The following RGPD3 variants were observed in gnomAD, a reference collection of about 807,000 sequenced individuals.
RGPD3 encodes the protein ranBP2-like and GRIP domain-containing protein 3.
RGPD3 carries 62 observed loss-of-function variants against 154.5 expected under a neutral mutation model. The observed-to-expected ratio is 0.40, with a 90% CI of 0.33 to 0.50. The LOEUF (loss-of-function observed/expected upper bound fraction) is 0.50, where lower values mean the gene tolerates loss of function less well. Among genes scored for constraint, RGPD3 ranks in the 20% least tolerant of loss-of-function variants. The pLI is 0.59. For missense variants in RGPD3, 919 were observed against 1,716.8 expected, an observed-to-expected ratio of 0.54 and a Z score of 8.21; for synonymous variants, 308 against 607.0, an observed-to-expected ratio of 0.51 and a Z score of 7.24.
intron 7 of RGPD3, among the ~76,000 whole-genome samples, chr2:106,446,633 A>G (rs1677945302): frequency 1.4e-5 from 2 of 143,064 alleles, no homozygotes; most frequent in Admixed American, 1.4e-4. Context: ...CTGTAATCCC[A>G]GCACTTTGGG....
At chr2:106,418,137 A>G (rs1676869924) in intron 20 of RGPD3, among the ~76,000 whole-genome samples, 1 of 144,628 alleles carries the variant, frequency 6.9e-6, no homozygotes, top group African/African-American at 2.5e-5. Context: ...AAAACAAAAA[A>G]ACAAACAAAA....
chr2:106,438,088 C>A (rs1344598744), intron 9 of RGPD3, among the ~76,000 whole-genome samples: 1 of 151,884 alleles, frequency 6.6e-6, no homozygotes, highest in Non-Finnish European at 1.5e-5. Flanking sequence ...CCACCACCCC[C>A]GGATAATTTT....
intron 6 of RGPD3, among the ~76,000 whole-genome samples, chr2:106,449,836 T>G (rs1192825435): frequency 6.6e-6 from 1 of 151,142 alleles, no homozygotes; most frequent in Non-Finnish European, 1.5e-5. Context: ...GCTAACACAG[T>G]GAAACCCCAT....
At chr2:106,422,772 GCATGAGTCCGTACACTGTA>G (rs1677036021) in intron 20 of RGPD3, among the ~76,000 whole-genome samples, 2 of 149,964 alleles carry the variant, frequency 1.3e-5, no homozygotes, top group South Asian at 4.3e-4. Flanking sequence ...CATGATTCAA[GCATGAGTCCGTACACTGTA>G]CCAAGTTCTT....
intron 6 of RGPD3, among the ~76,000 whole-genome samples, chr2:106,448,355 C>T (rs1264646523): frequency 1.3e-5 from 2 of 152,200 alleles, no homozygotes; most frequent in Non-Finnish European, 2.9e-5. Context: ...CACGATCCGC[C>T]CGCCTCAGCT....
chr2:106,408,699 G>T (rs1676581354), intron 22 of RGPD3, among the ~76,000 whole-genome samples: 1 of 151,502 alleles, frequency 6.6e-6, no homozygotes, highest in South Asian at 2.1e-4. Context: ...TAAAGATGGG[G>T]TTTTACTCTG....
intron 1 of RGPD3, among the ~76,000 whole-genome samples, chr2:106,467,511 CGAGGCCGCCGCTGGGCCGGGTT>C (rs1678661112): frequency 1.7e-5 from 1 of 57,502 alleles, no homozygotes; most frequent in African/African-American, 7.6e-5. Flanking sequence ...CCTGAGCCAT[CGAGGCCGCCGCTGGGCCGGGTT>C]GAGGCCGCCG....
intron 7 of RGPD3, among the ~76,000 whole-genome samples, chr2:106,446,375 G>T (rs1187050620): frequency 1.3e-5 from 2 of 152,062 alleles, no homozygotes; most frequent in African/African-American, 4.8e-5. Flanking sequence ...AGACCATCCT[G>T]GCTAACATGG....
intron 1 of RGPD3, among the ~76,000 whole-genome samples, chr2:106,466,268 G>A (rs1262913119): frequency 6.6e-6 from 1 of 151,908 alleles, no homozygotes. Context: ...GCGCCGCGCC[G>A]CCCACAGGAC....
In RGPD3 at chr2:106,448,008, G is replaced by C. The variant is rs1233701925; in HGVS notation, c.783-395C>G. On this transcript the variant is annotated intron_variant, in intron 6 of 22. Transcript: ENST00000409886. ...GTTGTAATTTCTCAAATTAGACATA[G>C]CATTTCCAAATTATAAGTAAATAAT... 3.5e-3 allele frequency among the ~76,000 whole-genome samples: 515 copies of C among 146,884 alleles called. 1 individual carries two copies. Among genetic ancestry groups the C allele is most frequent in the African/African-American group, 0.013 (487 of 37,306 alleles).
At chr2:106,463,989 G>C (rs1184133361) in intron 1 of RGPD3, among the ~76,000 whole-genome samples, 1 of 152,088 alleles carries the variant, frequency 6.6e-6, no homozygotes, top group Non-Finnish European at 1.5e-5. Flanking sequence ...AGTACTGAAA[G>C]AATGAGGGGC....
chr2:106,468,039 C>T (rs549873964), intron 1 of RGPD3, among the ~76,000 whole-genome samples, 178 bp downstream of exon 1: 1 of 144,954 alleles, frequency 6.9e-6, no homozygotes, highest in East Asian at 2.1e-4. Flanking sequence ...GGAGCCATGA[C>T]GCCTGAGCCA....
chr2:106,418,439 A>G (rs570495830), intron 20 of RGPD3, among the ~76,000 whole-genome samples: 11 of 151,890 alleles, frequency 7.2e-5, no homozygotes, highest in African/African-American at 2.7e-4. Context: ...TTATACCTTT[A>G]CCTCTGCAGC....
At chr2:106,411,882 C>A (rs1326922011) in intron 22 of RGPD3, among the ~76,000 whole-genome samples, 3 of 152,072 alleles carry the variant, frequency 2.0e-5, no homozygotes, top group Admixed American at 6.6e-5. Context: ...AATATATGAG[C>A]TCTATTTAGG....
chr2:106,407,886 G>A (rs2104439702), intron 22 of RGPD3, among the ~76,000 whole-genome samples: 1 of 141,810 alleles, frequency 7.1e-6, no homozygotes, highest in African/African-American at 2.6e-5. Flanking sequence ...TAACAGGCTT[G>A]GCCTATTTTC....
At chr2:106,448,060 T>C (rs1233428093) in intron 6 of RGPD3, among the ~76,000 whole-genome samples, 1 of 150,952 alleles carries the variant, frequency 6.6e-6, no homozygotes, top group African/African-American at 2.4e-5. Flanking sequence ...ATCAATACAG[T>C]AATTGCTCTT....
intron 7 of RGPD3, among the ~76,000 whole-genome samples, chr2:106,441,863 CAAAAAAAAAAAAA>C (rs1166971652): frequency 1.3e-3 from 18 of 13,626 alleles, no homozygotes; most frequent in African/African-American, 4.2e-3. Flanking sequence ...GACTCCATCG[CAAAAAAAAAAAAA>C]AAAAAAAAAA....
intron 17 of RGPD3, among the ~76,000 whole-genome samples, chr2:106,430,175 G>C (rs541489013): frequency 2.7e-5 from 4 of 150,234 alleles, no homozygotes; most frequent in African/African-American, 9.7e-5. Flanking sequence ...GACCCACCAC[G>C]CCCGGACCTG....
At chr2:106,414,333 A>G (rs891909563) in intron 21 of RGPD3, among the ~76,000 whole-genome samples, 5 of 152,230 alleles carry the variant, frequency 3.3e-5, no homozygotes, top group East Asian at 3.9e-4. Flanking sequence ...TTATGAAAAT[A>G]TAACATTTGG....
Sources: allele counts gnomAD v4.1 joint callset (sites outside exome capture counted in the v4.1 genomes callset), GRCh38; gene constraint gnomAD v4.1.1; transcripts MANE v1.5; gene names NCBI Gene and HGNC (gene_info 2026-07-23, HGNC 2026-07-21).